Variants in JAZF1 observed in about 807,000 individuals in gnomAD.
JAZF1 encodes JAZF zinc finger 1.
JAZF1 carries 8 observed loss-of-function variants against 26.4 expected under a neutral mutation model. The observed-to-expected ratio is 0.30, with a 90% confidence interval of 0.18 to 0.55. The LOEUF (loss-of-function observed/expected upper bound fraction) is 0.55. Among genes scored for constraint, JAZF1 ranks in the 20% least tolerant of loss-of-function variants. The pLI is 0.94. For missense variants in JAZF1, 199 were observed against 322.0 expected, an observed-to-expected ratio of 0.62 and a Z score of 2.92; for synonymous variants, 126 against 122.3, an observed-to-expected ratio of 1.03 and a Z score of -0.20.
chr7:27,924,623 AT>A (rs1784582546), intron 2 of JAZF1, among the ~76,000 whole-genome samples: 1 of 152,330 alleles, frequency 6.6e-6, no homozygotes, highest in East Asian at 1.9e-4. Flanking sequence ...AAAGGGGCTG[AT>A]TTTTTAAAAT....
intron 3 of JAZF1, chr7:27,846,491 G>C (rs1424727830): frequency 2.1e-6 from 1 of 470,880 alleles, no homozygotes; most frequent in Non-Finnish European, 4.4e-6. Flanking sequence ...CTTGTCTGCT[G>C]TAATGCTGGG....
rs1199209268 is a variant in JAZF1, at chr7:28,027,857, T to C, written c.116-35876A>G. On this transcript the variant is annotated intron_variant, in intron 1 of 4. Coordinates refer to ENST00000283928, the MANE Select transcript of JAZF1 (RefSeq NM_175061.4). ...GGCTGGGATTCAGCCCCGATGCCTG[T>C]TTCTTTCCCTGATGCACTGGGTATG... Among the ~76,000 whole-genome samples, 5 of 152,342 alleles carry C rather than the reference T, an allele frequency of 3.3e-5. No homozygotes were observed. In the South Asian group the frequency reaches 1.0e-3, roughly 32 times the overall value.
chr7:27,969,881 C>CT (rs1246976527), intron 2 of JAZF1, among the ~76,000 whole-genome samples: 1 of 152,160 alleles, frequency 6.6e-6, no homozygotes, highest in Non-Finnish European at 1.5e-5. Flanking sequence ...CATCTAGCAT[C>CT]TTTTTACCTT....
intron 1 of JAZF1, among the ~76,000 whole-genome samples, chr7:28,139,831 C>T (rs1181409410): frequency 6.6e-6 from 1 of 152,162 alleles, no homozygotes; most frequent in Non-Finnish European, 1.5e-5. Context: ...TTGAAGAAGA[C>T]ATCTATATCC....
chr7:28,158,204 G>GA lies in JAZF1; in HGVS notation c.115+22258_115+22259insT, dbSNP rs111407424. Among the ~76,000 whole-genome samples the GA allele has an allele frequency of 1.8e-3, 272 of 151,242 alleles. 2 individuals are homozygous for GA. The highest frequency in any genetic ancestry group is 5.9e-3 in the African/African-American group (242 of 41,126). On this transcript the variant is annotated intron_variant, in intron 1 of 4. Coordinates refer to ENST00000283928, the MANE Select transcript of JAZF1 (RefSeq NM_175061.4). ...ACACACACAGAGAGAGAGAGAGAGAGGGAGAGAGAGAGAGAGAGAGATACT... is the reference window on the plus strand; with the variant it reads ...ACACACACAGAGAGAGAGAGAGAGAGAGGAGAGAGAGAGAGAGAGAGATACT...
chr7:28,154,840 G>A (rs1783156348), intron 1 of JAZF1, among the ~76,000 whole-genome samples: 1 of 150,564 alleles, frequency 6.6e-6, no homozygotes, highest in Non-Finnish European at 1.5e-5. Context: ...AAAAAAAAAG[G>A]GGGCTCTCAA....
chr7:28,173,721 C>T (rs1783507664), intron 1 of JAZF1, among the ~76,000 whole-genome samples: 1 of 151,716 alleles, frequency 6.6e-6, no homozygotes, highest in Non-Finnish European at 1.5e-5. Context: ...GGACAATGGC[C>T]GTCAGGGGAC....
intron 3 of JAZF1, among the ~76,000 whole-genome samples, chr7:27,890,772 T>C (rs1783959348): frequency 6.6e-6 from 1 of 151,046 alleles, no homozygotes; most frequent in Admixed American, 6.6e-5. Flanking sequence ...AATTGTACTT[T>C]AGATGTTACT....
intron 2 of JAZF1, among the ~76,000 whole-genome samples, chr7:27,947,654 A>AT (rs1319922528): frequency 1.3e-5 from 2 of 152,170 alleles, no homozygotes; most frequent in Non-Finnish European, 2.9e-5. Context: ...AACATAGTGA[A>AT]TTTCTCCTGT....
chr7:27,869,509 T>A lies in JAZF1; in HGVS notation c.385+25711A>T, dbSNP rs982899034. Among the ~76,000 whole-genome samples the A allele has an allele frequency of 1.6e-4, 24 of 152,188 alleles. No homozygotes were observed. In the East Asian group the frequency reaches 1.9e-3, roughly 12 times the overall value. On this transcript the variant is annotated intron_variant, in intron 3 of 4. Coordinates refer to ENST00000283928, the MANE Select transcript of JAZF1 (RefSeq NM_175061.4). ...AACATCTGCAGCATCAGCTGTGCCA[T>A]CCCCCTTCTCCTCCCCATGCTTCCG...
At chr7:28,050,145 C>T (rs1035529714) in intron 1 of JAZF1, among the ~76,000 whole-genome samples, 2 of 152,094 alleles carry the variant, frequency 1.3e-5, no homozygotes, top group African/African-American at 2.4e-5. Flanking sequence ...GTGTCAGGAA[C>T]TGGGGTCAAA....
chr7:27,898,152 G>T (rs141525931), intron 2 of JAZF1, among the ~76,000 whole-genome samples: 3 of 152,138 alleles, frequency 2.0e-5, no homozygotes, highest in Admixed American at 1.3e-4. Context: ...GAGCACACAC[G>T]TGCCTCGTGT....
intron 1 of JAZF1, among the ~76,000 whole-genome samples, chr7:28,115,873 A>G (rs1462410473): frequency 6.6e-6 from 1 of 152,106 alleles, no homozygotes; most frequent in African/African-American, 2.4e-5. Context: ...TCTCCTTTCT[A>G]CATCAAAGGG....
At chr7:27,844,250 G>A (rs908290056) in intron 3 of JAZF1, 2 of 152,244 alleles carry the variant, frequency 1.3e-5, no homozygotes, top group Non-Finnish European at 2.9e-5. Context: ...ACTCTAGAAA[G>A]AAATACCCTA....
intron 1 of JAZF1, among the ~76,000 whole-genome samples, chr7:28,084,229 G>A (rs1784180102): frequency 6.6e-6 from 1 of 152,172 alleles, no homozygotes; most frequent in African/African-American, 2.4e-5. Flanking sequence ...CAGTATCATT[G>A]TGGGTTTAAC....
chr7:28,110,509 GAAAGGAAAAGGAAAAGGA>G (rs34191006), intron 1 of JAZF1, among the ~76,000 whole-genome samples: 1 of 61,092 alleles, frequency 1.6e-5, no homozygotes, highest in Non-Finnish European at 3.3e-5. Context: ...AAAGGAAAAG[GAAAGGAAAAGGAAAAGGA>G]AAAGGAAAGG....
intron 3 of JAZF1, chr7:27,843,245 T>C (rs1463097311): frequency 1.3e-5 from 2 of 152,280 alleles, no homozygotes; most frequent in East Asian, 3.8e-4. Context: ...AGATGGACTT[T>C]TGTTTATATA....
chr7:28,165,789 G>A (rs543511926), intron 1 of JAZF1, among the ~76,000 whole-genome samples: 77 of 152,246 alleles, frequency 5.1e-4, no homozygotes, highest in Non-Finnish European at 7.6e-4. Context: ...TCTCTCTCCT[G>A]ACTCGCTGTA....
intron 2 of JAZF1, among the ~76,000 whole-genome samples, chr7:27,974,851 C>T (rs1261567392): frequency 1.3e-5 from 2 of 150,694 alleles, no homozygotes; most frequent in African/African-American, 4.9e-5. Flanking sequence ...AAGTATGGTG[C>T]CAATATCTGC....
Sources: gnomAD v4.1 joint callset for allele counts (sites outside exome capture counted in the v4.1 genomes callset) on GRCh38, gnomAD v4.1.1 for gene constraint, MANE v1.5 for transcripts, NCBI Gene and HGNC (gene_info 2026-07-23, HGNC 2026-07-21) for gene names.